Variants in GALNT13 observed in about 807,000 individuals in gnomAD.
The protein encoded by GALNT13 is polypeptide N-acetylgalactosaminyltransferase 13.
In GALNT13, 28 loss-of-function variants were observed where a neutral mutation model predicts 64.2. The ratio of observed to expected loss-of-function variants is 0.44; its 90% CI spans 0.32 to 0.60. The LOEUF is 0.60. GALNT13 is among the 20% of genes least tolerant of loss of function. The pLI, the probability that GALNT13 is intolerant of heterozygous loss-of-function variation, is 0.05. For missense variants in GALNT13, 577 were observed against 669.8 expected (o/e 0.86, Z 1.53); for synonymous variants, 214 against 224.6 (o/e 0.95, Z 0.42).
At chr2:154,105,801 G>T (rs943591240) in intron 3 of GALNT13, among the ~76,000 whole-genome samples, 2 of 152,078 alleles carry the variant, frequency 1.3e-5, no homozygotes, top group African/African-American at 4.8e-5. Context: ...TGTGAATATT[G>T]AGTACTTGAA....
At chr2:153,784,649 G>C in the GALNT13 span, among the ~76,000 whole-genome samples, 13 of 152,280 alleles carry the variant, frequency 8.5e-5, no homozygotes, top group East Asian at 2.5e-3. Flanking sequence ...CCCAGCAAAA[G>C]AGGCTGCAAC....
intron 7 of GALNT13, among the ~76,000 whole-genome samples, chr2:154,247,730 T>G (rs1470574828): frequency 1.3e-5 from 2 of 152,118 alleles, no homozygotes; most frequent in Admixed American, 6.5e-5. Context: ...ATTGCAGTAA[T>G]ATGAGATCTG....
the GALNT13 span, among the ~76,000 whole-genome samples, chr2:153,806,368 T>A: frequency 6.6e-6 from 1 of 152,016 alleles, no homozygotes; most frequent in Non-Finnish European, 1.5e-5. Flanking sequence ...TGACAACAGA[T>A]CAATAAGGGG....
At chr2:153,684,249 T>G in the GALNT13 span, among the ~76,000 whole-genome samples, 1 of 151,714 alleles carries the variant, frequency 6.6e-6, no homozygotes, top group Non-Finnish European at 1.5e-5. Flanking sequence ...TGAATTTTTA[T>G]GTTTTCTTTA....
chr2:153,929,143 T>C (rs940849309), intron 2 of GALNT13, among the ~76,000 whole-genome samples: 4 of 152,198 alleles, frequency 2.6e-5, no homozygotes, highest in Non-Finnish European at 5.9e-5. Flanking sequence ...GAATTGTGTC[T>C]TGTTGTCTGT....
chr2:153,119,505 A>G, the GALNT13 span, among the ~76,000 whole-genome samples: 1 of 152,216 alleles, frequency 6.6e-6, no homozygotes, highest in Non-Finnish European at 1.5e-5. Context: ...TGACCGCAAT[A>G]TATAGTGTTA....
the GALNT13 span, among the ~76,000 whole-genome samples, chr2:153,692,856 A>T: frequency 6.6e-6 from 1 of 152,168 alleles, no homozygotes; most frequent in Non-Finnish European, 1.5e-5. Context: ...TGTACCAGAG[A>T]GTGGAGAAGA....
At chr2:154,381,999 T>C (rs1698295284) in intron 9 of GALNT13, among the ~76,000 whole-genome samples, 1 of 152,078 alleles carries the variant, frequency 6.6e-6, no homozygotes, top group African/African-American at 2.4e-5. Flanking sequence ...CCTGATGCTC[T>C]TCAGAGTTTG....
At chr2:153,221,668 A>T in the GALNT13 span, among the ~76,000 whole-genome samples, 1 of 152,166 alleles carries the variant, frequency 6.6e-6, no homozygotes, top group Non-Finnish European at 1.5e-5. Flanking sequence ...CCGCCTGCCA[A>T]GGGTGAGCCA....
chr2:153,205,124 C>A, the GALNT13 span, among the ~76,000 whole-genome samples: 1 of 151,014 alleles, frequency 6.6e-6, no homozygotes, highest in Non-Finnish European at 1.5e-5. Flanking sequence ...AAAATTTTTA[C>A]TGAACAAACT....
At chr2:154,186,196 G>A (rs1378994349) in intron 4 of GALNT13, among the ~76,000 whole-genome samples, 2 of 151,732 alleles carry the variant, frequency 1.3e-5, no homozygotes, top group Non-Finnish European at 2.9e-5. Context: ...TACATGAATA[G>A]CAGCATTATT....
chr2:154,228,036 G>T (rs955747869), intron 4 of GALNT13, among the ~76,000 whole-genome samples: 1 of 151,976 alleles, frequency 6.6e-6, no homozygotes, highest in Non-Finnish European at 1.5e-5. Flanking sequence ...TGTTAACATT[G>T]TTCTCAAACA....
chr2:153,836,403 C>T, the GALNT13 span, among the ~76,000 whole-genome samples: 2 of 151,958 alleles, frequency 1.3e-5, no homozygotes, highest in South Asian at 2.1e-4. Flanking sequence ...CATCATGCTA[C>T]ACATTAGATC....
At chr2:153,868,352 T>C (rs1574006273), upstream of GALNT13, among the ~76,000 whole-genome samples, 1 of 152,208 alleles carries the variant, frequency 6.6e-6, no homozygotes, top group Non-Finnish European at 1.5e-5. Flanking sequence ...AAGGTTCTTA[T>C]AGGGCATGTT....
At chr2:154,406,114 A>G (rs1464143771) in intron 10 of GALNT13, among the ~76,000 whole-genome samples, 1 of 152,196 alleles carries the variant, frequency 6.6e-6, no homozygotes, top group Non-Finnish European at 1.5e-5. Context: ...AAATAGAAAT[A>G]GCATTTGCCC....
chr2:153,583,064 A>T, the GALNT13 span, among the ~76,000 whole-genome samples: 3 of 152,168 alleles, frequency 2.0e-5, no homozygotes, highest in Non-Finnish European at 4.4e-5. Context: ...AATTAATCAC[A>T]AACATTATAA....
chr2:153,699,073 A>C, the GALNT13 span, among the ~76,000 whole-genome samples: 1 of 152,022 alleles, frequency 6.6e-6, no homozygotes, highest in Non-Finnish European at 1.5e-5. Context: ...AAATTACAAA[A>C]ATTTTCCGGT....
intron 11 of GALNT13, among the ~76,000 whole-genome samples, chr2:154,423,626 TA>T (rs1446231768): frequency 1.3e-5 from 2 of 152,182 alleles, no homozygotes; most frequent in Non-Finnish European, 2.9e-5. Context: ...AAATCTAACA[TA>T]AATACATAGC....
chr2:154,298,845 T>A (rs1283488813), intron 8 of GALNT13, among the ~76,000 whole-genome samples: 2 of 125,458 alleles, frequency 1.6e-5, no homozygotes, highest in African/African-American at 5.9e-5. Context: ...ATAAATTATA[T>A]ATTATTTATA....
Sources: allele counts gnomAD v4.1 joint callset (sites outside exome capture counted in the v4.1 genomes callset), GRCh38; gene constraint gnomAD v4.1.1; transcripts MANE v1.5; gene names NCBI Gene and HGNC (gene_info 2026-07-23, HGNC 2026-07-21).